The following OPCML variants were observed in gnomAD, a reference collection of about 807,000 sequenced individuals.
OPCML encodes opioid-binding protein/cell adhesion molecule.
A neutral mutation model predicts 37.8 loss-of-function variants in OPCML; 13 were observed. The ratio of observed to expected loss-of-function variants is 0.34; its 90% CI spans 0.22 to 0.55. The LOEUF is 0.55. OPCML is among the 20% of genes least tolerant of loss of function. The pLI, the probability that OPCML is intolerant of heterozygous loss-of-function variation, is 0.91. For missense variants in OPCML, 341 were observed against 435.6 expected, an observed-to-expected ratio of 0.78 and a Z score of 1.93; for synonymous variants, 176 against 168.8, an observed-to-expected ratio of 1.04 and a Z score of -0.33.
chr11:132,977,996 G>A (rs942740045), intron 1 of OPCML, among the ~76,000 whole-genome samples: 4 of 152,156 alleles, frequency 2.6e-5, no homozygotes, highest in Non-Finnish European at 4.4e-5. Context: ...AAATGTAAGA[G>A]CTGCTGAAAA....
At chr11:132,707,931 A>G (rs1052851038) in intron 2 of OPCML, among the ~76,000 whole-genome samples, 2 of 152,248 alleles carry the variant, frequency 1.3e-5, no homozygotes, top group Non-Finnish European at 2.9e-5. Flanking sequence ...CAGTTCTCTC[A>G]AATGGAAAAA....
intron 1 of OPCML, among the ~76,000 whole-genome samples, chr11:133,144,637 A>T (rs189082311): frequency 3.9e-5 from 6 of 152,388 alleles, no homozygotes; most frequent in Non-Finnish European, 2.9e-5. Flanking sequence ...ATAAGTGATT[A>T]GATGAGTTTG....
intron 1 of OPCML, among the ~76,000 whole-genome samples, chr11:133,157,293 G>A (rs780541932): frequency 3.9e-5 from 6 of 152,118 alleles, no homozygotes; most frequent in Non-Finnish European, 7.3e-5. Flanking sequence ...TTGCCCTATC[G>A]AGTTTGTAAG....
Position 132,932,170 on chromosome 11 carries a change from T to G in OPCML, c.146+10756A>C, listed in dbSNP as rs115498326. On this transcript the variant is annotated intron_variant, in intron 2 of 7. Transcript: ENST00000524381. ...CTGGGGGGAGGGAAGAATGGGGAGTTATTGTTTAATGGATTCTGAGTTTCA... is the reference window on the plus strand; with the variant it reads ...CTGGGGGGAGGGAAGAATGGGGAGTGATTGTTTAATGGATTCTGAGTTTCA... Among the ~76,000 whole-genome samples, 281 of 152,248 alleles carry G rather than the reference T, an allele frequency of 1.8e-3. 1 individual carries two copies. Among genetic ancestry groups the G allele is most frequent in the African/African-American group, 6.5e-3 (268 of 41,550 alleles).
intron 1 of OPCML, among the ~76,000 whole-genome samples, chr11:133,346,797 T>G (rs1944012070): frequency 6.6e-6 from 1 of 152,214 alleles, no homozygotes; most frequent in South Asian, 2.1e-4. Context: ...TAATCAAACT[T>G]CTGGACTAGA....
chr11:132,863,936 ATTTATTTG>A (rs923903131), intron 2 of OPCML, among the ~76,000 whole-genome samples: 2 of 141,484 alleles, frequency 1.4e-5, no homozygotes, highest in East Asian at 2.0e-4. Flanking sequence ...TATTTATTTT[ATTTATTTG>A]TTTATTTTTT....
intron 2 of OPCML, among the ~76,000 whole-genome samples, chr11:132,942,267 A>G (rs184312889): frequency 6.6e-6 from 1 of 152,330 alleles, no homozygotes; most frequent in East Asian, 1.9e-4. Flanking sequence ...TCATTAAGGT[A>G]AAACAAAAAG....
intron 4 of OPCML, among the ~76,000 whole-genome samples, chr11:132,445,850 A>G (rs1565568981): frequency 1.3e-5 from 2 of 152,206 alleles, no homozygotes; most frequent in Non-Finnish European, 2.9e-5. Flanking sequence ...GAGGATGTGC[A>G]CATCTTACAG....
chr11:133,410,057 G>A (rs1326611646), intron 1 of OPCML, among the ~76,000 whole-genome samples: 1 of 152,118 alleles, frequency 6.6e-6, no homozygotes, highest in Non-Finnish European at 1.5e-5. Flanking sequence ...AAGCCTGAAG[G>A]ATCAAATGAG....
chr11:133,159,891 G>C (rs1280859122), intron 1 of OPCML, among the ~76,000 whole-genome samples: 1 of 152,184 alleles, frequency 6.6e-6, no homozygotes, highest in East Asian at 1.9e-4. Context: ...TTGTTACCTG[G>C]CTTCCTTTTT....
intron 1 of OPCML, among the ~76,000 whole-genome samples, chr11:133,203,108 GC>G (rs1938875614): frequency 6.6e-6 from 1 of 152,168 alleles, no homozygotes; most frequent in Non-Finnish European, 1.5e-5. Context: ...TAAGTAACTT[GC>G]CCGAGATGAT....
intron 3 of OPCML, among the ~76,000 whole-genome samples, chr11:132,609,177 G>C (rs528830584): frequency 3.2e-4 from 49 of 152,222 alleles, no homozygotes; most frequent in African/African-American, 1.2e-3. Context: ...TGGCATGCAA[G>C]GGCAGGGGGT....
At chr11:132,941,629 G>A (rs566754465) in intron 2 of OPCML, among the ~76,000 whole-genome samples, 3 of 152,270 alleles carry the variant, frequency 2.0e-5, no homozygotes, top group South Asian at 2.1e-4. Context: ...TACCCACATG[G>A]CCAGGAGGAC....
chr11:132,527,250 G>A (rs1190415375), intron 4 of OPCML, among the ~76,000 whole-genome samples: 1 of 152,126 alleles, frequency 6.6e-6, no homozygotes, highest in East Asian at 1.9e-4. Flanking sequence ...AAATGCCTAG[G>A]AGTGGAATTG....
chr11:133,427,205 A>T (rs892104036), intron 1 of OPCML, among the ~76,000 whole-genome samples: 1 of 152,152 alleles, frequency 6.6e-6, no homozygotes, highest in Non-Finnish European at 1.5e-5. Context: ...CTAATCTACC[A>T]TATCACAAAA....
chr11:132,471,218 AG>A (rs976716711), intron 4 of OPCML, among the ~76,000 whole-genome samples: 5 of 152,054 alleles, frequency 3.3e-5, no homozygotes, highest in East Asian at 1.9e-4. Context: ...AGCTGGGAGG[AG>A]GGGGTTTGAT....
intron 1 of OPCML, among the ~76,000 whole-genome samples, chr11:133,404,471 C>T (rs565077016): frequency 6.6e-5 from 10 of 152,156 alleles, no homozygotes; most frequent in Admixed American, 2.0e-4. Context: ...ATGTGTTATC[C>T]GTCTAATCCT....
chr11:132,755,820 G>A (rs1163864903), intron 2 of OPCML, among the ~76,000 whole-genome samples: 2 of 152,174 alleles, frequency 1.3e-5, no homozygotes, highest in Admixed American at 6.5e-5. Context: ...ATATTACTGA[G>A]TTACAGTTTT....
At chr11:133,321,815 G>A (rs1281785432) in intron 1 of OPCML, among the ~76,000 whole-genome samples, 1 of 152,106 alleles carries the variant, frequency 6.6e-6, no homozygotes, top group Admixed American at 6.5e-5. Flanking sequence ...GGTTCCAGGT[G>A]GTGGCTGCCA....
Sources: gnomAD v4.1 joint callset for allele counts (sites outside exome capture counted in the v4.1 genomes callset) on GRCh38, gnomAD v4.1.1 for gene constraint, MANE v1.5 for transcripts, NCBI Gene and HGNC (gene_info 2026-07-23, HGNC 2026-07-21) for gene names.